The following CELSR2 variants were observed in gnomAD, a reference collection of about 807,000 sequenced individuals.
CELSR2 encodes cadherin EGF LAG seven-pass G-type receptor 2, also known as EGF-like protein 2.
CELSR2 carries 81 observed loss-of-function variants against 251.6 expected under a neutral mutation model. The ratio of observed to expected loss-of-function variants is 0.32; its 90% CI spans 0.27 to 0.39. The LOEUF (loss-of-function observed/expected upper bound fraction) is 0.39, where lower values mean the gene tolerates loss of function less well. Among genes scored for constraint, CELSR2 ranks in the 10% least tolerant of loss-of-function variants. The pLI, the probability that CELSR2 is intolerant of heterozygous loss-of-function variation, is 1.00. For missense variants in CELSR2, 3,365 were observed against 3,947.7 expected, an observed-to-expected ratio of 0.85 and a Z score of 3.96; for synonymous variants, 1,721 against 1,670.5, an observed-to-expected ratio of 1.03 and a Z score of -0.74.
intron 6 of CELSR2, 89 bp from the exon 7 acceptor site, chr1:109,262,717 C>T (rs554687083): frequency 4.2e-5 from 66 of 1,560,568 alleles, no homozygotes; most frequent in South Asian, 8.5e-5. Flanking sequence ...CTGCCTACGC[C>T]GTTCGTGTCT....
intron 15 of CELSR2, 81 bp downstream of exon 15, chr1:109,266,287 A>G: frequency 6.5e-7 from 1 of 1,533,292 alleles, no homozygotes; most frequent in Non-Finnish European, 8.8e-7. Context: ...CTCCTGGCTG[A>G]AGATCCGGGG....
Position 109,250,162 on chromosome 1 carries a change from C to T in CELSR2, c.83C>T (p.Pro28Leu), listed in dbSNP as rs201372895. ...CTGTTGCTGCTGCTGCTGCCGCCGC[C>T]ACTATTGGGAGACCAAGTGGGGCCC... is the stretch of plus-strand genomic sequence containing the variant. Reference protein sequence around the residue: ...LLLLLLLLPPPLLGDQVGPCR... With the variant: ...LLLLLLLLPPLLLGDQVGPCR... Residue 28 changes from proline (P) to leucine (L), a missense_variant, in exon 1 of 34, where the codon CCA becomes CTA. By Grantham distance (98) the Pro-to-Leu change is moderately conservative. Transcript: ENST00000271332. This position sits in a 1 kb window ranked among gnomAD's most constrained non-coding sequence, Gnocchi z 4.4. The T allele has an allele frequency of 1.0e-4, 164 of 1,598,324 alleles. 1 individual carries two copies. The highest frequency in any genetic ancestry group is 1.0e-3 in the Middle Eastern group (6 of 5,946).
Position 109,270,023 on chromosome 1 carries a change from C to G in CELSR2, c.7198C>G (p.Leu2400Val). The change falls in exon 23 of 34, where the codon CTC becomes GTC. Residue 2400 changes from leucine (L) to valine (V), a missense_variant. By Grantham distance (32) the Leu-to-Val change is conservative. Around this residue, in one of 5 missense-constraint regions of CELSR2, gnomAD observed 2,093 missense variants for 2,382.8 expected, o/e 0.88. Coordinates refer to ENST00000271332, the MANE Select transcript of CELSR2 (RefSeq NM_001408.3). Reference sequence around the variant, plus strand: ...TCTGCTCACCTTCTTCTTCCTCACTCTCTTGCGTATCCTGCGCTCCAACCA... The same window carrying G: ...TCTGCTCACCTTCTTCTTCCTCACTGTCTTGCGTATCCTGCGCTCCAACCA... ...ALLLTFFFLT[L>V]LRILRSNQHG... 1.9e-6 allele frequency: 3 copies of G among 1,614,164 alleles called. No individual in the cohort carries two copies. In the South Asian group the frequency reaches 3.3e-5, roughly 18 times the overall value.
Position 109,253,209 on chromosome 1 carries a change from G to A in CELSR2, c.3130G>A (p.Gly1044Ser). The A allele has an allele frequency of 6.2e-7, 1 of 1,613,538 alleles. No homozygotes were observed. The highest frequency in any genetic ancestry group is 8.5e-7 in the Non-Finnish European group (1 of 1,180,038). ...VTNRSSSFPG[G>S]AIGRVPAHDP... ...CAATCGCTCAAGCAGCTTCCCTGGG[G>A]GTGCCATTGGCCGAGTACCTGCCCA... The change falls in exon 1 of 34, where the codon GGT (glycine) becomes AGT (serine). Residue 1044 changes from glycine (G) to serine (S), a missense_variant. Coordinates refer to ENST00000271332, the MANE Select transcript of CELSR2 (RefSeq NM_001408.3).
At position 109,263,194 on chromosome 1, in the gene CELSR2, C is replaced by T. The variant is rs779987417; in HGVS notation, c.4761C>T (p.Gly1587=). Residue 1587 remains glycine (G), a synonymous_variant, in exon 8 of 34, where the codon GGC becomes GGT. Coordinates refer to ENST00000271332, the MANE Select transcript of CELSR2 (RefSeq NM_001408.3). ...ACAGCAACACTTGCCACAATGGGGGCACTTGCGTGAACCAGTGGGACGCGT... is the reference window on the plus strand; with the variant it reads ...ACAGCAACACTTGCCACAATGGGGGTACTTGCGTGAACCAGTGGGACGCGT... ...VCDSNTCHNG[G]TCVNQWDAFS... 1 of 1,600,474 alleles carries T rather than the reference C, an allele frequency of 6.2e-7. No individual in the cohort carries two copies. The highest frequency in any genetic ancestry group is 1.7e-5 in the Admixed American group (1 of 59,770).
chr1:109,265,111 C>T, intron 12 of CELSR2, 80 bp from the exon 13 acceptor site: 1 of 1,590,422 alleles, frequency 6.3e-7, no homozygotes, highest in Non-Finnish European at 8.6e-7. Flanking sequence ...CAGCCAGGGT[C>T]AGAAGGGCCA....
chr1:109,258,535 C>T lies in CELSR2; in HGVS notation c.3414C>T (p.Pro1138=), dbSNP rs144646188. 63 of 1,605,008 alleles carry T rather than the reference C, an allele frequency of 3.9e-5. 1 individual carries two copies. The South Asian group carries it at 6.2e-4, about 16-fold the overall frequency. Residue 1138 remains proline (P), a synonymous_variant, in exon 2 of 34, where the codon CCC becomes CCT. Coordinates refer to ENST00000271332, the MANE Select transcript of CELSR2 (RefSeq NM_001408.3). ...CGCTGCGCCTGGAGGACATGTCACC[C>T]GAGCGCTTCCTGTCACCACTGCTAG... ...SITLRLEDMS[P]ERFLSPLLGL...
Position 109,251,298 on chromosome 1 carries a change from C to G in CELSR2, c.1219C>G (p.Gln407Glu). Residue 407 changes from glutamine to glutamate, a missense_variant, in exon 1 of 34, where the codon CAG becomes GAG. Transcript: ENST00000271332. This position sits in a 1 kb window ranked among gnomAD's most constrained non-coding sequence, Gnocchi z 4.9. ...GTTTAGTGAGAAGCGCTATGTGGTC[C>G]AGGTGAGGGAGGATGTGACTCCAGG... ...PQFSEKRYVV[Q>E]VREDVTPGAP... is the part of the protein sequence containing the mutation. The G allele has an allele frequency of 6.2e-7, 1 of 1,614,102 alleles. No homozygotes were observed. The highest frequency in any genetic ancestry group is 2.2e-5 in the East Asian group (1 of 44,862).
intron 1 of CELSR2, among the ~76,000 whole-genome samples, chr1:109,255,414 T>C (rs936907155): frequency 5.9e-5 from 9 of 152,216 alleles, no homozygotes; most frequent in African/African-American, 2.2e-4. Context: ...GCCTCCACTC[T>C]CTTCCCTATG....
chr1:109,272,081 A>AGGG (rs1273956873), intron 28 of CELSR2, among the ~76,000 whole-genome samples, 197 bp from the exon 29 acceptor site: 1 of 152,132 alleles, frequency 6.6e-6, no homozygotes, highest in African/African-American at 2.4e-5. Flanking sequence ...GGGGGCATGC[A>AGGG]GGGGTAGCAC....
rs907608293 is a variant in CELSR2 at position 109,266,822 on chromosome 1, C to T, written c.6013+616C>T. On this transcript the variant is annotated intron_variant, in intron 15 of 33. Transcript: ENST00000271332. ...GCAACCTCCACCTCACAGGTTCAAGCGATTCTCCTACCTCAGCCTTCCGAG... is the reference window on the plus strand; with the variant it reads ...GCAACCTCCACCTCACAGGTTCAAGTGATTCTCCTACCTCAGCCTTCCGAG... Among the ~76,000 whole-genome samples, 15 of 151,134 alleles carry T rather than the reference C, an allele frequency of 9.9e-5. 1 individual carries two copies. The highest frequency in any genetic ancestry group is 9.9e-4 in the Admixed American group (15 of 15,130).
At position 109,250,606 on chromosome 1, in the gene CELSR2, A is replaced by G. The variant is rs1211797423; in HGVS notation, c.527A>G (p.Asn176Ser). ...SLGGRRKRNVNTAPQFQPPSY... is the reference protein window; with the variant it reads ...SLGGRRKRNVSTAPQFQPPSY... ...GGTGGGCGTCGGAAAAGGAATGTAAATACAGCCCCCCAGTTCCAGCCCCCC... is the reference window on the plus strand; with the variant it reads ...GGTGGGCGTCGGAAAAGGAATGTAAGTACAGCCCCCCAGTTCCAGCCCCCC... The change falls in exon 1 of 34, where the codon AAT becomes AGT. Residue 176 changes from asparagine (N) to serine (S), a missense_variant. This residue lies in a region of CELSR2 where 704 missense variants were observed against 784.1 expected (regional missense o/e 0.90). Transcript: ENST00000271332. The surrounding 1 kb of genome is among the most constrained non-coding windows in gnomAD (Gnocchi z 4.4). The G allele has an allele frequency of 1.2e-6, 2 of 1,613,886 alleles. No homozygotes were observed. The highest frequency in any genetic ancestry group is 2.2e-5 in the East Asian group (1 of 44,892).
In CELSR2 at chr1:109,271,293, C is replaced by T. The variant is rs1570794042; in HGVS notation, c.7673C>T (p.Pro2558Leu). The T allele has an allele frequency of 6.2e-7, 1 of 1,613,936 alleles. No individual in the cohort carries two copies. Among genetic ancestry groups the T allele is most frequent in the Non-Finnish European group, 8.5e-7 (1 of 1,180,002 alleles). ...CGGCAGGGCTTTGAGAAGAAAGGTC[C>T]TGTGTGAGTATAGGGTTGGGGTGCC... ...AQRQGFEKKG[P>L]VSGLQPSFAV... is the part of the protein sequence containing the mutation. Residue 2558 changes from proline (P) to leucine (L), a missense_variant, in exon 26 of 34, where the codon CCT (proline) becomes CTT (leucine). Physicochemically the swap from Pro to Leu is moderately conservative, Grantham distance 98. Coordinates refer to ENST00000271332, the MANE Select transcript of CELSR2 (RefSeq NM_001408.3).
rs779514429 is a variant in CELSR2, at chr1:109,261,645, C to A, written c.4297+17C>A. On this transcript the variant is annotated intron_variant, in intron 4 of 33. Transcript: ENST00000271332. This position sits in a 1 kb window ranked among gnomAD's most constrained non-coding sequence, Gnocchi z 4.8. ...TCTCTGCAGGTGATCACAGTTGCCC[C>A]CCATCCTTGCCCATCTTCCAAAGGC... The A allele has an allele frequency of 2.8e-5, 44 of 1,597,036 alleles. No individual in the cohort carries two copies. The Middle Eastern group carries it at 8.3e-4, about 30-fold the overall frequency.
intron 24 of CELSR2, 126 bp from the exon 25 acceptor site, chr1:109,270,801 G>A: frequency 2.0e-6 from 2 of 984,602 alleles, no homozygotes; most frequent in Non-Finnish European, 3.1e-6. Context: ...AGATCGGTAG[G>A]GGCCGATGGT....
chr1:109,272,145 A>C (rs545805452), intron 28 of CELSR2, 133 bp from the exon 29 acceptor site: 1 of 1,204,186 alleles, frequency 8.3e-7, no homozygotes, highest in East Asian at 2.4e-5. Flanking sequence ...ACAGCGGAGA[A>C]GCAGGGCCCT....
Position 109,250,134 on chromosome 1 carries a change from CTGCTGT to C in CELSR2, c.61_66del (p.Leu24_Leu25del). 2 of 1,593,474 alleles carry C rather than the reference CTGCTGT, an allele frequency of 1.3e-6. No homozygotes were observed. Among genetic ancestry groups the C allele is most frequent in the Non-Finnish European group, 1.7e-6 (2 of 1,172,914 alleles). On this transcript the variant is annotated inframe_deletion, in exon 1 of 34. Transcript: ENST00000271332. This position sits in a 1 kb window ranked among gnomAD's most constrained non-coding sequence, Gnocchi z 4.4. ...CCCAACGCCGCCGCCGCCGCTGCTG[CTGCTGT>C]TGCTGCTGCTGCTGCCGCCGCCACT...
Position 109,261,005 on chromosome 1 carries a change from A to G in CELSR2, c.3959-37A>G. The stretch of plus-strand genomic sequence containing the variant: ...GGGTCTCAGTTCCCCTCCTGTCCTC[A>G]GGTACTTGGTACTCACCTGCCTTTC... On this transcript the variant is annotated intron_variant, in intron 2 of 33. Coordinates refer to ENST00000271332, the MANE Select transcript of CELSR2 (RefSeq NM_001408.3). The surrounding 1 kb of genome is among the most constrained non-coding windows in gnomAD (Gnocchi z 4.8). 1 of 1,520,768 alleles carries G rather than the reference A, an allele frequency of 6.6e-7. No homozygotes were observed. Among genetic ancestry groups the G allele is most frequent in the Non-Finnish European group, 9.0e-7 (1 of 1,107,326 alleles). 94.2% of individuals were successfully genotyped at this position (1,520,768 alleles called of 1,614,324 possible).
chr1:109,265,112 A>T, intron 12 of CELSR2, 79 bp from the exon 13 acceptor site: 1 of 1,590,840 alleles, frequency 6.3e-7, no homozygotes, highest in South Asian at 1.1e-5. Context: ...AGCCAGGGTC[A>T]GAAGGGCCAC....
Sources: gnomAD v4.1 joint callset for allele counts (sites outside exome capture counted in the v4.1 genomes callset) on GRCh38, gnomAD v4.1.1 for gene constraint, gnomAD v4.1.1 regional missense constraint, Gnocchi (gnomAD v3.1) non-coding constraint, MANE v1.5 for transcripts, NCBI Gene and HGNC (gene_info 2026-07-23, HGNC 2026-07-21) for gene names.